The following HTR1E variants were observed in gnomAD, a reference collection of about 807,000 sequenced individuals.
HTR1E encodes 5-hydroxytryptamine receptor 1E, also known as 5-HT-1E.
HTR1E carries 3 observed loss-of-function variants against 3.4 expected under a neutral mutation model. The observed-to-expected ratio is 0.89, with a 90% confidence interval of 0.41 to 2.31. The LOEUF (loss-of-function observed/expected upper bound fraction) is 2.31, where lower values mean the gene tolerates loss of function less well. Ranked by LOEUF, HTR1E falls within the 30% of genes most tolerant of loss-of-function variation. The pLI is 0.05. For synonymous variants in HTR1E, 170 were observed against 182.8 expected, an observed-to-expected ratio of 0.93 and a Z score of 0.56; for missense variants, 392 against 467.0, an observed-to-expected ratio of 0.84 and a Z score of 1.48.
chr6:86,962,380 T>C (rs1162918957), intron 1 of HTR1E, among the ~76,000 whole-genome samples: 1 of 152,186 alleles, frequency 6.6e-6, no homozygotes, highest in African/African-American at 2.4e-5. Context: ...ATACACCACA[T>C]AATAATGTTT....
At chr6:87,005,030 C>T (rs145044603) in intron 1 of HTR1E, among the ~76,000 whole-genome samples, 1 of 151,942 alleles carries the variant, frequency 6.6e-6, no homozygotes, top group East Asian at 1.9e-4. Flanking sequence ...TAAACTTAAC[C>T]AAAGAAATAA....
chr6:86,973,929 G>A (rs976993559), intron 1 of HTR1E, among the ~76,000 whole-genome samples: 13 of 152,208 alleles, frequency 8.5e-5, no homozygotes, highest in South Asian at 2.1e-4. Context: ...GTAGAGAACC[G>A]ACTGGCCAGT....
chr6:86,960,263 T>C (rs1239855764), intron 1 of HTR1E, among the ~76,000 whole-genome samples: 1 of 152,140 alleles, frequency 6.6e-6, no homozygotes, highest in Non-Finnish European at 1.5e-5. Context: ...AGAAGGGGGA[T>C]GAATGCTGTG....
intron 1 of HTR1E, among the ~76,000 whole-genome samples, chr6:86,974,660 T>C (rs1767604448): frequency 6.6e-6 from 1 of 152,136 alleles, no homozygotes; most frequent in Non-Finnish European, 1.5e-5. Context: ...TTTCTTCCAG[T>C]CTTCTCAACT....
intron 1 of HTR1E, among the ~76,000 whole-genome samples, chr6:86,999,375 T>C (rs996461013): frequency 6.6e-6 from 1 of 152,182 alleles, no homozygotes. Context: ...TTAAAGTATA[T>C]AGCAAAAGCC....
Position 87,000,830 on chromosome 6 carries a change from CACAA to C in HTR1E, c.-185-14312_-185-14309del, listed in dbSNP as rs901389149. 1.7e-4 allele frequency among the ~76,000 whole-genome samples: 26 copies of C among 152,226 alleles called. No homozygotes were observed. The East Asian group carries it at 3.5e-3, about 20-fold the overall frequency. On this transcript the variant is annotated intron_variant, in intron 1 of 1. Transcript: ENST00000305344. ...TGTACAAAATGCACTGGAAATAGTA[CACAA>C]ACAAACACAATATTATAACCCTATA...
intron 1 of HTR1E, among the ~76,000 whole-genome samples, chr6:86,942,736 C>T (rs571399215): frequency 1.3e-5 from 2 of 152,252 alleles, no homozygotes; most frequent in African/African-American, 4.8e-5. Flanking sequence ...ATCTCCTCAC[C>T]CTCTCTGCAA....
chr6:86,960,924 A>G (rs1370985259), intron 1 of HTR1E, among the ~76,000 whole-genome samples: 1 of 152,230 alleles, frequency 6.6e-6, no homozygotes, highest in Non-Finnish European at 1.5e-5. Context: ...TGGAAAACCC[A>G]TATTTAAAAA....
intron 1 of HTR1E, among the ~76,000 whole-genome samples, chr6:86,990,927 G>A (rs1767862813): frequency 6.6e-6 from 1 of 152,134 alleles, no homozygotes; most frequent in African/African-American, 2.4e-5. Context: ...TAACTTTATA[G>A]TGGAGAATCA....
At chr6:87,010,539 C>A (rs1450290790) in intron 1 of HTR1E, among the ~76,000 whole-genome samples, 3 of 144,342 alleles carry the variant, frequency 2.1e-5, no homozygotes, top group Admixed American at 2.0e-4. Context: ...CTCCCCACAT[C>A]TCAGACGATG....
At chr6:87,011,738 G>C (rs368959160) in intron 1 of HTR1E, among the ~76,000 whole-genome samples, 1 of 152,086 alleles carries the variant, frequency 6.6e-6, no homozygotes, top group African/African-American at 2.4e-5. Flanking sequence ...TTCAGAAAGC[G>C]GAAGTATCAG....
intron 1 of HTR1E, among the ~76,000 whole-genome samples, chr6:86,957,628 C>A (rs960960974): frequency 6.6e-6 from 1 of 152,196 alleles, no homozygotes; most frequent in Non-Finnish European, 1.5e-5. Flanking sequence ...CATAGTGCCA[C>A]CCACCTATCT....
Position 87,016,658 on chromosome 6 carries a change from T to G in HTR1E, c.*226T>G. The G allele has an allele frequency of 2.6e-6, 1 of 384,546 alleles. No homozygotes were observed. The highest frequency in any genetic ancestry group is 4.0e-5 in the East Asian group (1 of 25,220). The allele number at this position is 384,546 out of a possible 1,614,324, so 23.8% of individuals were successfully genotyped here. The stretch of plus-strand genomic sequence containing the variant: ...CTTATCTGTGATACATAATTTCAAA[T>G]AAACATTATCATACAAAAACAGAAA... On this transcript the variant is annotated 3_prime_UTR_variant, in exon 2 of 2. Coordinates refer to ENST00000305344, the MANE Select transcript of HTR1E (RefSeq NM_000865.3).
chr6:86,994,209 A>G (rs1767906633), intron 1 of HTR1E, among the ~76,000 whole-genome samples: 1 of 152,188 alleles, frequency 6.6e-6, no homozygotes, highest in South Asian at 2.1e-4. Context: ...ACGGGGCTGA[A>G]AAAGTATTTT....
chr6:87,009,355 T>C (rs1330864157), intron 1 of HTR1E, among the ~76,000 whole-genome samples: 1 of 151,686 alleles, frequency 6.6e-6, no homozygotes, highest in African/African-American at 2.4e-5. Context: ...ACAGCACATG[T>C]TTCAGAGAGC....
Position 86,992,246 on chromosome 6 carries a change from T to C in HTR1E, c.-185-22904T>C, listed in dbSNP as rs188710416. On this transcript the variant is annotated intron_variant, in intron 1 of 1. Transcript: ENST00000305344. Reference sequence around the variant, plus strand: ...AGGGTAAAGAGAAATGTATCTGCTTTCTACAAAAGCTTTATGTAGATAGGG... The same window carrying C: ...AGGGTAAAGAGAAATGTATCTGCTTCCTACAAAAGCTTTATGTAGATAGGG... Among the ~76,000 whole-genome samples, 599 of 152,350 alleles carry C rather than the reference T, an allele frequency of 3.9e-3. 3 individuals carry two copies. Among genetic ancestry groups the C allele is most frequent in the African/African-American group, 0.013 (524 of 41,590 alleles).
chr6:86,954,797 A>T (rs1253705444), intron 1 of HTR1E, among the ~76,000 whole-genome samples: 4 of 152,216 alleles, frequency 2.6e-5, no homozygotes, highest in Non-Finnish European at 5.9e-5. Flanking sequence ...AAGTGCCCGT[A>T]GATACTCTTA....
At chr6:86,963,743 T>C (rs969526633) in intron 1 of HTR1E, among the ~76,000 whole-genome samples, 22 of 152,220 alleles carry the variant, frequency 1.4e-4, no homozygotes, top group Admixed American at 5.2e-4. Context: ...GTTTGTAGCG[T>C]AGGAGCAATA....
intron 1 of HTR1E, among the ~76,000 whole-genome samples, chr6:86,946,621 T>G (rs1038455611): frequency 5.9e-5 from 9 of 152,344 alleles, no homozygotes; most frequent in Non-Finnish European, 1.0e-4. Context: ...ATGTTTCAGC[T>G]TCTACTCCAT....
Sources: gnomAD v4.1 joint callset for allele counts (sites outside exome capture counted in the v4.1 genomes callset) on GRCh38, gnomAD v4.1.1 for gene constraint, MANE v1.5 for transcripts, NCBI Gene and HGNC (gene_info 2026-07-23, HGNC 2026-07-21) for gene names.